ACAD11: variants seen among roughly 807,000 people sequenced by gnomAD.
ACAD11 encodes the protein acyl-Coenzyme A dehydrogenase family, member 11.
Under a neutral mutation model 102.2 loss-of-function variants are expected in ACAD11, and 83 were observed. That is an observed-to-expected ratio of 0.81 (90% CI 0.68 to 0.97). The LOEUF (loss-of-function observed/expected upper bound fraction) is 0.97. Among genes scored for constraint, ACAD11 ranks in the 50% least tolerant of loss-of-function variants. The pLI, the probability that ACAD11 is intolerant of heterozygous loss-of-function variation, is 0.00. For missense variants in ACAD11, 901 were observed against 951.7 expected (o/e 0.95, Z 0.70); for synonymous variants, 324 against 319.8 (o/e 1.01, Z -0.14).
intron 5 of ACAD11, among the ~76,000 whole-genome samples, chr3:132,633,906 T>C (rs2107870820): frequency 6.6e-6 from 1 of 152,000 alleles, no homozygotes; most frequent in Non-Finnish European, 1.5e-5. Context: ...AAAAATTAAT[T>C]CAAGATGGAT....
rs779978983 is a variant in ACAD11 at position 132,603,320 on chromosome 3, A to C, written c.1530T>G (p.Asp510Glu). 5 of 1,613,660 alleles carry C rather than the reference A, an allele frequency of 3.1e-6. No individual in the cohort carries two copies. The African/African-American group carries it at 6.7e-5, about 22-fold the overall frequency. Residue 510 changes from aspartate (D) to glutamate (E), a missense_variant, in exon 13 of 20, where the codon GAT becomes GAG. Physicochemically the swap from Asp to Glu is conservative, Grantham distance 45 (BLOSUM62 2). Coordinates refer to ENST00000264990, the MANE Select transcript of ACAD11 (RefSeq NM_032169.5). ...ITSCFCMTEP[D>E]VASSDATNIE... ...TATTCGTGGCATCACTTGAAGCTAC[A>C]TCAGGTTCTATAAATAAACAAAAGC... is the stretch of plus-strand genomic sequence containing the variant.
intron 7 of ACAD11, among the ~76,000 whole-genome samples, chr3:132,629,271 G>A (rs1171065507): frequency 6.6e-6 from 1 of 152,138 alleles, no homozygotes; most frequent in Admixed American, 6.5e-5. Context: ...CAATTCTCCT[G>A]CCTCAGCCTC....
At chr3:132,571,139 TC>T (rs2107787025) in intron 17 of ACAD11, among the ~76,000 whole-genome samples, 1 of 152,310 alleles carries the variant, frequency 6.6e-6, no homozygotes, top group South Asian at 2.1e-4. Context: ...CCTTCCTTTT[TC>T]TCCACAACCT....
intron 13 of ACAD11, among the ~76,000 whole-genome samples, chr3:132,589,816 T>TA (rs1414787889): frequency 6.6e-6 from 1 of 152,218 alleles, no homozygotes; most frequent in African/African-American, 2.4e-5. Context: ...ACCACCCAGG[T>TA]ATTAAGCCCA....
At chr3:132,655,639 C>T (rs1937750715) in intron 1 of ACAD11, among the ~76,000 whole-genome samples, 1 of 152,208 alleles carries the variant, frequency 6.6e-6, no homozygotes, top group South Asian at 2.1e-4. Flanking sequence ...GCCCCACACC[C>T]AAACATTTCC....
rs1940579247 is a variant in ACAD11, at chr3:132,642,880, A to C, written c.250-78T>G. 3 of 1,442,664 alleles carry C rather than the reference A, an allele frequency of 2.1e-6. No individual in the cohort carries two copies. In the East Asian group the frequency reaches 6.9e-5, roughly 33 times the overall value. 89.4% of individuals were successfully genotyped at this position (1,442,664 alleles called of 1,614,324 possible). On this transcript the variant is annotated intron_variant, in intron 2 of 19. Transcript: ENST00000264990. ...TAAATTTAATAACTACTTATGAGCT[A>C]ATCTTAAGGCTAGAAAACAACTGTA...
At chr3:132,644,331 C>T (rs536951964) in intron 2 of ACAD11, among the ~76,000 whole-genome samples, 1 of 152,206 alleles carries the variant, frequency 6.6e-6, no homozygotes, top group African/African-American at 2.4e-5. Context: ...AGAATTCTCA[C>T]TGTCTAATAT....
rs146554086 is a variant in ACAD11 at position 132,615,221 on chromosome 3, T to C, written c.1414+3413A>G. Among the ~76,000 whole-genome samples the C allele has an allele frequency of 9.5e-3, 1,445 of 152,262 alleles. 23 individuals carry two copies. The highest frequency in any genetic ancestry group is 0.033 in the African/African-American group (1,363 of 41,542). ...GAGAAATAGGAAAGCTTTTACACTG[T>C]TGGTGGGAGTGTAAATTAGTTCAAC... On this transcript the variant is annotated intron_variant, in intron 11 of 19. Coordinates refer to ENST00000264990, the MANE Select transcript of ACAD11 (RefSeq NM_032169.5).
chr3:132,656,581 C>T (rs937587129), intron 1 of ACAD11, among the ~76,000 whole-genome samples: 2 of 151,696 alleles, frequency 1.3e-5, no homozygotes, highest in Non-Finnish European at 2.9e-5. Context: ...AAAGCCTCTG[C>T]CTCCCAGGTT....
Position 132,576,970 on chromosome 3 carries a change from C to T in ACAD11, c.1820G>A (p.Arg607Gln), listed in dbSNP as rs149300783. Residue 607 changes from arginine to glutamine, a missense_variant, in exon 16 of 20, where the codon CGA becomes CAA. Transcript: ENST00000264990. ...TAGTATTAGATTTGTGGCAGGAACT[C>T]GCACTTGATTAAAATGGATCTCAAA... ...GHFEIHFNQV[R>Q]VPATNLILGE... 3.8e-5 allele frequency: 61 copies of T among 1,610,476 alleles called. No individual in the cohort carries two copies. Among genetic ancestry groups the T allele is most frequent in the Non-Finnish European group, 4.9e-5 (58 of 1,177,518 alleles).
At chr3:132,634,926 G>T (rs945075181) in intron 5 of ACAD11, among the ~76,000 whole-genome samples, 1 of 149,970 alleles carries the variant, frequency 6.7e-6, no homozygotes, top group Non-Finnish European at 1.5e-5. Context: ...GGTGGGGAGG[G>T]ATAGCATTAG....
intron 7 of ACAD11, among the ~76,000 whole-genome samples, chr3:132,629,537 C>T (rs1212521951): frequency 1.3e-5 from 2 of 152,100 alleles, no homozygotes; most frequent in African/African-American, 4.8e-5. Flanking sequence ...AAATTTAAAG[C>T]CTATTTGGTA....
chr3:132,579,294 T>C, intron 14 of ACAD11, 198 bp downstream of exon 14: 1 of 613,978 alleles, frequency 1.6e-6, no homozygotes. Context: ...CAGCGAAGAA[T>C]GTTCAGCAAT....
intron 12 of ACAD11, among the ~76,000 whole-genome samples, chr3:132,604,166 T>C (rs1938741560): frequency 6.6e-6 from 1 of 152,184 alleles, no homozygotes; most frequent in South Asian, 2.1e-4. Flanking sequence ...GTTTCAGTTA[T>C]GAGGCCAACT....
intron 13 of ACAD11, among the ~76,000 whole-genome samples, chr3:132,583,808 C>T (rs950176472): frequency 2.0e-5 from 3 of 152,080 alleles, no homozygotes; most frequent in African/African-American, 7.2e-5. Context: ...TCGTTATGTA[C>T]CTAGTAGTCA....
chr3:132,595,579 T>C (rs1938266357), intron 13 of ACAD11, among the ~76,000 whole-genome samples: 1 of 152,060 alleles, frequency 6.6e-6, no homozygotes, highest in African/African-American at 2.4e-5. Context: ...ATATCCAGCA[T>C]CTATAAGAAA....
intron 14 of ACAD11, 30 bp from the exon 15 acceptor site, chr3:132,578,911 A>T: frequency 6.2e-7 from 1 of 1,610,146 alleles, no homozygotes; most frequent in East Asian, 2.2e-5. Context: ...TATTAGAAAA[A>T]GTTTGCTAAG....
chr3:132,622,720 G>A (rs1939653888), intron 9 of ACAD11, among the ~76,000 whole-genome samples: 1 of 152,140 alleles, frequency 6.6e-6, no homozygotes, highest in African/African-American at 2.4e-5. Context: ...ATAGCCAAAA[G>A]CAGAAACTAT....
At position 132,644,788 on chromosome 3, in the gene ACAD11, A is replaced by T; in HGVS notation, c.249+9T>A. 1 of 1,570,608 alleles carries T rather than the reference A, an allele frequency of 6.4e-7. No homozygotes were observed. The highest frequency in any genetic ancestry group is 8.7e-7 in the Non-Finnish European group (1 of 1,149,542). On this transcript the variant is annotated intron_variant, in intron 2 of 19. Transcript: ENST00000264990. The stretch of plus-strand genomic sequence containing the variant: ...CCAAAGAATTTATCATTACATTTGT[A>T]TACTATACCTGATGTGCTTTAGGAA...
Sources: gnomAD v4.1 joint callset for allele counts (sites outside exome capture counted in the v4.1 genomes callset) on GRCh38, gnomAD v4.1.1 for gene constraint, MANE v1.5 for transcripts, NCBI Gene and HGNC (gene_info 2026-07-23, HGNC 2026-07-21) for gene names.